Variants in SLC24A2 observed in about 807,000 individuals in gnomAD.
The protein encoded by SLC24A2 is sodium/potassium/calcium exchanger 2.
In SLC24A2, 36 loss-of-function variants were observed where a neutral mutation model predicts 62.0. That is an observed-to-expected ratio of 0.58 (90% CI 0.44 to 0.77). SLC24A2 has a LOEUF of 0.77. Among genes scored for constraint, SLC24A2 ranks in the 30% least tolerant of loss-of-function variants. The probability of loss-of-function intolerance (pLI) is 0.00; values close to 1 mark genes in which losing one functional copy is unlikely to be tolerated. For missense variants in SLC24A2, 846 were observed against 817.9 expected (o/e 1.03, Z -0.42); for synonymous variants, 358 against 294.0 (o/e 1.22, Z -2.23).
chr9:20,213,466 G>C, the SLC24A2 span, among the ~76,000 whole-genome samples: 368 of 148,644 alleles, frequency 2.5e-3, 12 homozygotes, highest in African/African-American at 9.4e-3. Context: ...GATTAATGAG[G>C]ATAACATAAA....
chr9:19,978,723 G>T, the SLC24A2 span, among the ~76,000 whole-genome samples: 2 of 152,056 alleles, frequency 1.3e-5, no homozygotes, highest in East Asian at 1.9e-4. Flanking sequence ...GAAGAAAAAA[G>T]AAATTAATTC....
the SLC24A2 span, among the ~76,000 whole-genome samples, chr9:20,167,735 C>G: frequency 6.6e-6 from 1 of 151,848 alleles, no homozygotes; most frequent in Non-Finnish European, 1.5e-5. Context: ...AATTATAATA[C>G]AAGATACTGG....
chr9:20,100,222 T>C, the SLC24A2 span, among the ~76,000 whole-genome samples: 2 of 151,900 alleles, frequency 1.3e-5, no homozygotes, highest in South Asian at 2.1e-4. Flanking sequence ...TGTTTTTTTG[T>C]TTTGTTTTGT....
At chr9:19,862,815 T>C in the SLC24A2 span, among the ~76,000 whole-genome samples, 1 of 151,744 alleles carries the variant, frequency 6.6e-6, no homozygotes, top group Admixed American at 6.6e-5. Context: ...CATGGTAATT[T>C]ACCTCAAACC....
the SLC24A2 span, among the ~76,000 whole-genome samples, chr9:20,190,141 CA>C: frequency 1.3e-5 from 2 of 152,208 alleles, no homozygotes; most frequent in African/African-American, 4.8e-5. Context: ...TGAAGCCTGG[CA>C]AAAGAGGCAA....
At chr9:20,076,766 G>C in the SLC24A2 span, among the ~76,000 whole-genome samples, 1 of 151,310 alleles carries the variant, frequency 6.6e-6, no homozygotes, top group African/African-American at 2.4e-5. Flanking sequence ...TAGTTAGATT[G>C]TTTCCGTATC....
the SLC24A2 span, among the ~76,000 whole-genome samples, chr9:20,064,382 TG>T: frequency 9.2e-5 from 14 of 152,204 alleles, no homozygotes; most frequent in African/African-American, 3.4e-4. Flanking sequence ...AAAATGGAAA[TG>T]TTCTAAAATC....
the SLC24A2 span, among the ~76,000 whole-genome samples, chr9:20,039,199 G>C: frequency 2.7e-4 from 41 of 152,196 alleles, no homozygotes; most frequent in Non-Finnish European, 4.9e-4. Context: ...TGTCTCTTCT[G>C]TGACCTTGAC....
At chr9:20,179,323 C>T in the SLC24A2 span, among the ~76,000 whole-genome samples, 3 of 152,110 alleles carry the variant, frequency 2.0e-5, no homozygotes, top group East Asian at 5.8e-4. Context: ...TATAGCTTGA[C>T]CAAAGCACGC....
chr9:20,192,512 G>A, the SLC24A2 span, among the ~76,000 whole-genome samples: 6 of 152,120 alleles, frequency 3.9e-5, no homozygotes, highest in Non-Finnish European at 5.9e-5. Flanking sequence ...TATTAGAAAT[G>A]CAGATTCCTA....
the SLC24A2 span, among the ~76,000 whole-genome samples, chr9:20,096,529 A>T: frequency 6.6e-6 from 1 of 151,890 alleles, no homozygotes; most frequent in South Asian, 2.1e-4. Flanking sequence ...TACATCTCTC[A>T]TTGCAATTAT....
chr9:19,510,062 G>C lies in SLC24A2; in HGVS notation c.*6091C>G, dbSNP rs1489577720. 1 of 152,134 alleles carries C rather than the reference G, an allele frequency of 6.6e-6. No homozygotes were observed. The highest frequency in any genetic ancestry group is 1.5e-5 in the Non-Finnish European group (1 of 68,032). 9.4% of individuals were successfully genotyped at this position (152,134 alleles called of 1,614,324 possible). A position where few individuals can be genotyped will look rare whatever the true frequency, so the allele number is the denominator to read the frequency against. On this transcript the variant is annotated 3_prime_UTR_variant, in exon 11 of 11. Coordinates refer to ENST00000341998, the MANE Select transcript of SLC24A2 (RefSeq NM_020344.4). ...AAATTAGTGGGTAAGTACAGGCCCAGAGTTTTGGAGTAATCTAAAGTGGTG... is the reference window on the plus strand; with the variant it reads ...AAATTAGTGGGTAAGTACAGGCCCACAGTTTTGGAGTAATCTAAAGTGGTG...
the SLC24A2 span, among the ~76,000 whole-genome samples, chr9:20,056,146 T>A: frequency 1.4e-4 from 22 of 152,334 alleles, no homozygotes; most frequent in African/African-American, 5.1e-4. Flanking sequence ...AATGAGCTTA[T>A]ATATTTAGCA....
intron 9 of SLC24A2, among the ~76,000 whole-genome samples, chr9:19,526,271 T>C (rs1457943775): frequency 6.6e-6 from 1 of 152,204 alleles, no homozygotes; most frequent in Non-Finnish European, 1.5e-5. Context: ...ATTTGGGTTG[T>C]TTTCACTTTT....
At chr9:20,259,414 G>C in the SLC24A2 span, among the ~76,000 whole-genome samples, 1 of 152,214 alleles carries the variant, frequency 6.6e-6, no homozygotes, top group African/African-American at 2.4e-5. Context: ...TCATACTGCT[G>C]TGTGGGAGGA....
At chr9:19,842,987 G>T in the SLC24A2 span, among the ~76,000 whole-genome samples, 1 of 152,120 alleles carries the variant, frequency 6.6e-6, no homozygotes, top group Admixed American at 6.5e-5. Context: ...CCAGCTGATT[G>T]TAGGGTCATT....
the SLC24A2 span, among the ~76,000 whole-genome samples, chr9:20,189,551 A>G: frequency 9.8e-5 from 15 of 152,324 alleles, no homozygotes; most frequent in Admixed American, 6.5e-4. Context: ...TGTCTAGACC[A>G]TGAAATCCAC....
At chr9:19,673,426 TGTGTGTATGTGTGTGTGC>T (rs1223604050) in intron 2 of SLC24A2, among the ~76,000 whole-genome samples, 1 of 102,006 alleles carries the variant, frequency 9.8e-6, no homozygotes, top group Non-Finnish European at 1.9e-5. Context: ...TGAGTTCTTG[TGTGTGTATGTGTGTGTGC>T]GTGTGTGTGT....
chr9:19,786,414 A>G lies in SLC24A2; in HGVS notation c.453T>C (p.Ile151=), dbSNP rs1302881575. The G allele has an allele frequency of 2.5e-6, 4 of 1,614,068 alleles. No homozygotes were observed. Among genetic ancestry groups the G allele is most frequent in the Admixed American group, 1.7e-5 (1 of 60,014 alleles). ...AAGGAACAAAGAACTCATCACAGAC[A>G]ATGGCTAAGGCTATGAACATGTAGA... ...GMIYMFIALA[I]VCDEFFVPSL... is the part of the protein sequence containing the mutation. The change falls in exon 2 of 11, where the codon ATT becomes ATC. Residue 151 remains isoleucine, a synonymous_variant. Coordinates refer to ENST00000341998, the MANE Select transcript of SLC24A2 (RefSeq NM_020344.4). This position sits in a 1 kb window ranked among gnomAD's most constrained non-coding sequence, Gnocchi z 5.0.
Sources: allele counts gnomAD v4.1 joint callset (sites outside exome capture counted in the v4.1 genomes callset), GRCh38; gene constraint gnomAD v4.1.1; non-coding constraint Gnocchi (gnomAD v3.1); transcripts MANE v1.5; gene names NCBI Gene and HGNC (gene_info 2026-07-23, HGNC 2026-07-21).